ADGRB3: variants seen among roughly 807,000 people sequenced by gnomAD.
ADGRB3 encodes the protein adhesion G protein-coupled receptor B3, also known as brain-specific angiogenesis inhibitor 3.
ADGRB3 carries 37 observed loss-of-function variants against 193.4 expected under a neutral mutation model. The observed-to-expected ratio is 0.19, with a 90% confidence interval of 0.15 to 0.25. ADGRB3 has a LOEUF of 0.25. Ranked by LOEUF, ADGRB3 falls within the 10% of genes least tolerant of loss-of-function variation. ADGRB3 has a pLI of 1.00. For synonymous variants in ADGRB3, 690 were observed against 644.2 expected, an observed-to-expected ratio of 1.07 and a Z score of -1.08; for missense variants, 1,637 against 1,852.9, an observed-to-expected ratio of 0.88 and a Z score of 2.14.
intron 30 of ADGRB3, among the ~76,000 whole-genome samples, chr6:69,372,891 A>G (rs996971820): frequency 4.6e-5 from 7 of 151,942 alleles, no homozygotes; most frequent in Admixed American, 3.3e-4. Context: ...GATTCCTGCT[A>G]TTTAGGTTCT....
chr6:69,151,034 A>G (rs529391930), intron 17 of ADGRB3, among the ~76,000 whole-genome samples: 2 of 152,276 alleles, frequency 1.3e-5, no homozygotes, highest in South Asian at 4.1e-4. Flanking sequence ...TGAAGGAAGA[A>G]GTCTCTTTTG....
In ADGRB3 at chr6:69,359,633, G is replaced by T. The variant is rs1475266074; in HGVS notation, c.3596-1236G>T. On this transcript the variant is annotated intron_variant, in intron 28 of 31. Coordinates refer to ENST00000370598, the MANE Select transcript of ADGRB3 (RefSeq NM_001704.3). The stretch of plus-strand genomic sequence containing the variant: ...AATCTTTTTCAACTTCTGCTTTAAT[G>T]AATAATAATTATGATTCTACTTGAA... Among the ~76,000 whole-genome samples, 7 of 151,848 alleles carry T rather than the reference G, an allele frequency of 4.6e-5. No individual in the cohort carries two copies. In the East Asian group the frequency reaches 1.4e-3, roughly 29 times the overall value.
chr6:69,213,834 C>T (rs1376518761), intron 17 of ADGRB3, among the ~76,000 whole-genome samples: 1 of 152,092 alleles, frequency 6.6e-6, no homozygotes, highest in Admixed American at 6.6e-5. Context: ...TACTATTTTA[C>T]TATATTCCAA....
In ADGRB3 at chr6:68,772,887, A is replaced by AAC. The variant is rs750004713; in HGVS notation, c.757+133456_757+133457insCA. On this transcript the variant is annotated intron_variant, in intron 3 of 31. Transcript: ENST00000370598. Reference sequence around the variant, plus strand: ...CAAACAAACAAACAAACAAACAAAAAAAAAAAAATATATATATATATATAT... The same window carrying AAC: ...CAAACAAACAAACAAACAAACAAAAAACAAAAAAAATATATATATATATATAT... Among the ~76,000 whole-genome samples, 433 of 48,282 alleles carry AAC rather than the reference A, an allele frequency of 9.0e-3. 19 individuals are homozygous for AAC. Among genetic ancestry groups the AAC allele is most frequent in the African/African-American group, 0.056 (325 of 5,846 alleles). 31.7% of individuals were successfully genotyped at this position (48,282 alleles called of 152,430 possible). A position where few individuals can be genotyped will look rare whatever the true frequency, so the allele number is the denominator to read the frequency against.
intron 20 of ADGRB3, among the ~76,000 whole-genome samples, chr6:69,249,204 C>G (rs1561965677): frequency 6.6e-6 from 1 of 152,110 alleles, no homozygotes; most frequent in Non-Finnish European, 1.5e-5. Context: ...TCTTGAACTC[C>G]TGACCTCGTG....
At chr6:68,763,490 T>G (rs1766451792) in intron 3 of ADGRB3, among the ~76,000 whole-genome samples, 1 of 152,196 alleles carries the variant, frequency 6.6e-6, no homozygotes, top group South Asian at 2.1e-4. Flanking sequence ...GCTTATTGAT[T>G]TTTCCCCTAT....
Position 68,900,751 on chromosome 6 carries a change from C to A in ADGRB3, c.758-29808C>A, listed in dbSNP as rs770689908. Among the ~76,000 whole-genome samples the A allele has an allele frequency of 1.7e-4, 26 of 152,048 alleles. 1 individual carries two copies. Among genetic ancestry groups the A allele is most frequent in the Non-Finnish European group, 3.4e-4 (23 of 68,000 alleles). ...CCAGCCTCAGAGACCAACACTGGGC[C>A]CGTGATGCAGCACTAGTCCCCTGGA... On this transcript the variant is annotated intron_variant, in intron 3 of 31. Coordinates refer to ENST00000370598, the MANE Select transcript of ADGRB3 (RefSeq NM_001704.3).
chr6:68,898,272 T>C (rs1300323706), intron 3 of ADGRB3, among the ~76,000 whole-genome samples: 1 of 152,016 alleles, frequency 6.6e-6, no homozygotes, highest in African/African-American at 2.4e-5. Context: ...ATGGATGTCC[T>C]AGCTCCAGAA....
At chr6:69,023,346 T>C (rs1173839748) in intron 13 of ADGRB3, among the ~76,000 whole-genome samples, 2 of 152,242 alleles carry the variant, frequency 1.3e-5, no homozygotes, top group Non-Finnish European at 1.5e-5. Context: ...GAGATGTTGT[T>C]CTGTATAAGG....
chr6:68,940,615 C>T (rs1458126517), intron 5 of ADGRB3, among the ~76,000 whole-genome samples: 1 of 105,164 alleles, frequency 9.5e-6, no homozygotes, highest in African/African-American at 3.5e-5. Context: ...AAAAATAAAA[C>T]CTAGCCGGGT....
intron 3 of ADGRB3, among the ~76,000 whole-genome samples, chr6:68,837,023 C>G (rs513369): frequency 0.32 from 48,779 of 152,068 alleles, 8,348 homozygotes; most frequent in East Asian, 0.59. Flanking sequence ...TTTTCTTTCT[C>G]CAATTCTCCA....
At chr6:69,114,180 A>G (rs1307017418) in intron 17 of ADGRB3, among the ~76,000 whole-genome samples, 1 of 152,190 alleles carries the variant, frequency 6.6e-6, no homozygotes, top group Non-Finnish European at 1.5e-5. Context: ...AACTTCCCTT[A>G]GGTAAGTACT....
chr6:69,208,571 G>A (rs1272589862), intron 17 of ADGRB3, among the ~76,000 whole-genome samples: 1 of 152,214 alleles, frequency 6.6e-6, no homozygotes, highest in Non-Finnish European at 1.5e-5. Context: ...CTGTCATGCT[G>A]CAGCTGTCCA....
intron 17 of ADGRB3, among the ~76,000 whole-genome samples, chr6:69,199,543 A>T (rs1197504521): frequency 2.0e-5 from 3 of 152,122 alleles, no homozygotes; most frequent in Admixed American, 6.6e-5. Flanking sequence ...CTTGGCATTC[A>T]GCTTTATTAT....
chr6:68,706,836 G>A (rs1232599080), intron 3 of ADGRB3, among the ~76,000 whole-genome samples: 2 of 152,152 alleles, frequency 1.3e-5, no homozygotes, highest in African/African-American at 4.8e-5. Flanking sequence ...TGGAGGCTGG[G>A]CGTGGTGGCT....
chr6:68,854,786 TG>T (rs879261647), intron 3 of ADGRB3, among the ~76,000 whole-genome samples: 1 of 152,184 alleles, frequency 6.6e-6, no homozygotes, highest in Non-Finnish European at 1.5e-5. Flanking sequence ...GTGTTTTCCT[TG>T]CCTTGCCTTT....
chr6:68,657,628 A>G (rs1768522685), intron 3 of ADGRB3, among the ~76,000 whole-genome samples: 1 of 151,392 alleles, frequency 6.6e-6, no homozygotes, highest in South Asian at 2.1e-4. Context: ...TAGATAAACT[A>G]AACATTTTCC....
chr6:68,891,570 T>C (rs1315115125), intron 3 of ADGRB3, among the ~76,000 whole-genome samples: 1 of 152,124 alleles, frequency 6.6e-6, no homozygotes, highest in Non-Finnish European at 1.5e-5. Flanking sequence ...AATGTCTGAG[T>C]CAGAAGGAAG....
chr6:68,699,219 T>C (rs1245375166), intron 3 of ADGRB3, among the ~76,000 whole-genome samples: 1 of 152,108 alleles, frequency 6.6e-6, no homozygotes, highest in Non-Finnish European at 1.5e-5. Context: ...ATTTTGCAGA[T>C]ACTTCAGGCC....
Sources: allele counts gnomAD v4.1 joint callset (sites outside exome capture counted in the v4.1 genomes callset), GRCh38; gene constraint gnomAD v4.1.1; transcripts MANE v1.5; gene names NCBI Gene and HGNC (gene_info 2026-07-23, HGNC 2026-07-21).